FUT9: variants seen among roughly 807,000 people sequenced by gnomAD.
FUT9 encodes the protein fucosyltransferase 9.
Under a neutral mutation model 29.7 loss-of-function variants are expected in FUT9, and 15 were observed. The ratio of observed to expected loss-of-function variants is 0.51; its 90% CI spans 0.34 to 0.78. The LOEUF (loss-of-function observed/expected upper bound fraction) is 0.78. Ranked by LOEUF, FUT9 falls within the 30% of genes least tolerant of loss-of-function variation. The probability of loss-of-function intolerance (pLI) is 0.01; values close to 1 mark genes in which losing one functional copy is unlikely to be tolerated. For missense variants in FUT9, 319 were observed against 425.4 expected, an observed-to-expected ratio of 0.75 and a Z score of 2.20; for synonymous variants, 169 against 153.7, an observed-to-expected ratio of 1.10 and a Z score of -0.74.
chr6:96,019,749 G>T (rs896180172), intron 1 of FUT9, among the ~76,000 whole-genome samples: 1 of 151,946 alleles, frequency 6.6e-6, no homozygotes, highest in Non-Finnish European at 1.5e-5. Flanking sequence ...GCTGCAAATG[G>T]AATGCTCGGC....
At chr6:96,100,445 A>G (rs1582229206) in intron 1 of FUT9, among the ~76,000 whole-genome samples, 1 of 152,204 alleles carries the variant, frequency 6.6e-6, no homozygotes, top group African/African-American at 2.4e-5. Context: ...GAAATTATCT[A>G]TGGGAGTACA....
intron 2 of FUT9, among the ~76,000 whole-genome samples, chr6:96,160,616 T>C (rs567123293): frequency 6.2e-4 from 95 of 152,284 alleles, no homozygotes; most frequent in Non-Finnish European, 1.1e-3. Flanking sequence ...ATTAAATTGT[T>C]CCAAATAAGT....
intron 1 of FUT9, among the ~76,000 whole-genome samples, chr6:96,087,941 T>A (rs1382894312): frequency 6.6e-6 from 1 of 152,176 alleles, no homozygotes; most frequent in Non-Finnish European, 1.5e-5. Flanking sequence ...AGCTCTTGTA[T>A]GTGTCTGAGA....
intron 1 of FUT9, among the ~76,000 whole-genome samples, chr6:96,037,598 G>T (rs1321486052): frequency 6.6e-6 from 1 of 151,818 alleles, no homozygotes; most frequent in African/African-American, 2.4e-5. Context: ...CAGCAAAAAT[G>T]GAATTTAAAG....
At chr6:96,119,803 CT>C (rs1207617025) in intron 2 of FUT9, among the ~76,000 whole-genome samples, 1 of 152,132 alleles carries the variant, frequency 6.6e-6, no homozygotes, top group East Asian at 1.9e-4. Context: ...ATCAAGCTTT[CT>C]CCCTATTGCT....
chr6:96,069,340 C>T (rs1489493321), intron 1 of FUT9, among the ~76,000 whole-genome samples: 1 of 149,594 alleles, frequency 6.7e-6, no homozygotes, highest in African/African-American at 2.5e-5. Context: ...AAAGTAAAGA[C>T]AAGAAAAGAA....
At chr6:96,130,696 T>A (rs748124622) in intron 2 of FUT9, among the ~76,000 whole-genome samples, 4 of 152,242 alleles carry the variant, frequency 2.6e-5, no homozygotes, top group Non-Finnish European at 4.4e-5. Flanking sequence ...CAGTAAAATT[T>A]GTTTTCTTTG....
intron 2 of FUT9, among the ~76,000 whole-genome samples, chr6:96,200,351 T>G (rs1363580549): frequency 6.6e-6 from 1 of 152,196 alleles, no homozygotes; most frequent in Non-Finnish European, 1.5e-5. Context: ...AATGGATTAT[T>G]CACGTTTGTA....
chr6:96,081,332 T>C (rs1205265342), intron 1 of FUT9, among the ~76,000 whole-genome samples: 1 of 151,744 alleles, frequency 6.6e-6, no homozygotes, highest in African/African-American at 2.4e-5. Context: ...ACACCCTTCT[T>C]GGATAATACA....
intron 2 of FUT9, among the ~76,000 whole-genome samples, chr6:96,157,847 C>T (rs181607286): frequency 7.9e-5 from 12 of 152,238 alleles, no homozygotes; most frequent in Middle Eastern, 3.4e-3. Flanking sequence ...TTCAAATCTA[C>T]TCCTGTCTGT....
intron 1 of FUT9, among the ~76,000 whole-genome samples, chr6:96,093,134 T>G (rs1305390754): frequency 6.6e-6 from 1 of 152,112 alleles, no homozygotes; most frequent in African/African-American, 2.4e-5. Context: ...GTTTTGTGAT[T>G]AGTATCTATC....
intron 1 of FUT9, among the ~76,000 whole-genome samples, chr6:96,045,954 T>A (rs1770555848): frequency 1.3e-5 from 2 of 152,230 alleles, no homozygotes; most frequent in African/African-American, 4.8e-5. Context: ...AGGTAGGGTA[T>A]AATTTTCAGC....
At chr6:96,113,060 C>T (rs1771840222) in intron 1 of FUT9, among the ~76,000 whole-genome samples, 1 of 46,280 alleles carries the variant, frequency 2.2e-5, no homozygotes, top group South Asian at 1.8e-3. Context: ...GATGATTTAG[C>T]AACTTTTTTT....
At chr6:96,082,358 C>CT (rs1554191249) in intron 1 of FUT9, among the ~76,000 whole-genome samples, 3 of 150,606 alleles carry the variant, frequency 2.0e-5, no homozygotes, top group South Asian at 2.1e-4. Context: ...TTTACTTTCA[C>CT]TTTTTTTTTC....
chr6:96,022,076 A>T (rs1311908991), intron 1 of FUT9, among the ~76,000 whole-genome samples: 1 of 152,072 alleles, frequency 6.6e-6, no homozygotes, highest in Non-Finnish European at 1.5e-5. Context: ...TGTCTGAGTT[A>T]CATGGGTAAT....
chr6:96,169,038 C>T (rs1424183298), intron 2 of FUT9, among the ~76,000 whole-genome samples: 1 of 152,160 alleles, frequency 6.6e-6, no homozygotes, highest in Non-Finnish European at 1.5e-5. Context: ...GGTTGACGTT[C>T]TGTTCTTTAC....
chr6:96,079,032 T>A (rs952774890), intron 1 of FUT9, among the ~76,000 whole-genome samples: 1 of 152,146 alleles, frequency 6.6e-6, no homozygotes, highest in Non-Finnish European at 1.5e-5. Flanking sequence ...CATTTTCAGA[T>A]CCTTGCTGCC....
At chr6:96,068,578 CT>C (rs1487313102) in intron 1 of FUT9, among the ~76,000 whole-genome samples, 3 of 151,892 alleles carry the variant, frequency 2.0e-5, no homozygotes, top group Non-Finnish European at 2.9e-5. Flanking sequence ...TATCCTTCCT[CT>C]ATCGCATTGA....
chr6:96,058,778 A>T (rs1320336758), intron 1 of FUT9, among the ~76,000 whole-genome samples: 2 of 152,172 alleles, frequency 1.3e-5, no homozygotes, highest in East Asian at 3.8e-4. Context: ...TACTTTGTAT[A>T]CTTGGCTTGG....
Sources: gnomAD v4.1 joint callset for allele counts (sites outside exome capture counted in the v4.1 genomes callset) on GRCh38, gnomAD v4.1.1 for gene constraint, MANE v1.5 for transcripts, NCBI Gene and HGNC (gene_info 2026-07-23, HGNC 2026-07-21) for gene names.